VWA5A: variants seen among roughly 807,000 people sequenced by gnomAD.
VWA5A encodes the protein von Willebrand factor A domain-containing protein 5A.
In VWA5A, 77 loss-of-function variants were observed where a neutral mutation model predicts 84.6. The ratio of observed to expected loss-of-function variants is 0.91; its 90% CI spans 0.76 to 1.10. The LOEUF (loss-of-function observed/expected upper bound fraction) is 1.10, where lower values mean the gene tolerates loss of function less well. VWA5A is among the 50% of genes least tolerant of loss of function. The pLI, the probability that VWA5A is intolerant of heterozygous loss-of-function variation, is 0.00. For missense variants in VWA5A, 973 were observed against 963.0 expected (o/e 1.01, Z -0.14); for synonymous variants, 334 against 350.1 (o/e 0.95, Z 0.51).
At chr11:124,122,860 G>A in intron 7 of VWA5A, 100 bp from the exon 8 acceptor site, 1 of 1,261,760 alleles carries the variant, frequency 7.9e-7, no homozygotes, top group Non-Finnish European at 1.1e-6. Flanking sequence ...TTAGATTTGA[G>A]TTTTCCTAGC....
intron 2 of VWA5A, 48 bp from the exon 3 acceptor site, chr11:124,117,449 C>G (rs533790688): frequency 1.3e-6 from 2 of 1,555,778 alleles, no homozygotes; most frequent in Non-Finnish European, 1.8e-6. Flanking sequence ...GGTGTTTGAA[C>G]AGATAACTTC....
chr11:124,127,695 A>G (rs1285109576), intron 11 of VWA5A, among the ~76,000 whole-genome samples: 2 of 152,080 alleles, frequency 1.3e-5, no homozygotes, highest in Non-Finnish European at 2.9e-5. Flanking sequence ...CTGACTTTTT[A>G]ATGATCACCA....
rs1864866503 is a variant in VWA5A at position 124,118,178 on chromosome 11, G to A, written c.247-11G>A. On this transcript the variant is annotated splice_polypyrimidine_tract_variant and intron_variant, in intron 4 of 18. Transcript: ENST00000456829. ...CCCTTTCTTTCCCATCCCTCGCCCT[G>A]TGCTTCTCAGGCCCGCACCAACTAT... is the stretch of plus-strand genomic sequence containing the variant. The A allele has an allele frequency of 7.4e-6, 12 of 1,612,316 alleles. No homozygotes were observed. The highest frequency in any genetic ancestry group is 9.3e-6 in the Non-Finnish European group (11 of 1,179,212).
rs773787800 is a variant in VWA5A, at chr11:124,141,746, G to T, written c.2023+5G>T. On this transcript the variant is annotated splice_donor_5th_base_variant and intron_variant, in intron 16 of 18. Coordinates refer to ENST00000456829, the MANE Select transcript of VWA5A (RefSeq NM_001130142.2). ...ACAAGGACCAGCACAGTCCAGGTGA[G>T]TACCTTTATAGGAACATTTTCTCAA... 4.3e-5 allele frequency: 70 copies of T among 1,612,038 alleles called. No individual in the cohort carries two copies. The highest frequency in any genetic ancestry group is 5.7e-5 in the Non-Finnish European group (67 of 1,179,216).
rs755517894 is a variant in VWA5A, at chr11:124,117,606, C to G, written c.43+52C>G. 10 of 1,613,950 alleles carry G rather than the reference C, an allele frequency of 6.2e-6. No homozygotes were observed. In the Admixed American group the frequency reaches 1.2e-4, roughly 19 times the overall value. On this transcript the variant is annotated intron_variant, in intron 3 of 18. Transcript: ENST00000456829. ...GCCATTGAATCTTTGGCACCTATCA[C>G]AAGGCTTGATCTACAAGGAGGCAAT...
chr11:124,130,416 A>G (rs188753717), intron 11 of VWA5A, among the ~76,000 whole-genome samples: 2 of 152,114 alleles, frequency 1.3e-5, no homozygotes, highest in African/African-American at 2.4e-5. Context: ...TCAATTTTAG[A>G]GTAAGTGTGA....
chr11:124,119,063 A>T lies in VWA5A; in HGVS notation c.734A>T (p.Glu245Val). The change falls in exon 7 of 19, where the codon GAG becomes GTG. Residue 245 changes from glutamate (E) to valine (V), a missense_variant. Coordinates refer to ENST00000456829, the MANE Select transcript of VWA5A (RefSeq NM_001130142.2). ...GTGCATACCCCCAGCGTGGTTTTGG[A>T]GATGGGGATGCCTAACATGAAGCCA... The part of the protein sequence containing the change: ...NEVHTPSVVL[E>V]MGMPNMKPGH... 6.2e-7 allele frequency: 1 copy of T among 1,614,146 alleles called. No individual in the cohort carries two copies. Among genetic ancestry groups the T allele is most frequent in the Non-Finnish European group, 8.5e-7 (1 of 1,180,018 alleles).
intron 1 of VWA5A, chr11:124,115,774 T>G (rs1271903064): frequency 1.3e-5 from 2 of 152,314 alleles, no homozygotes; most frequent in Non-Finnish European, 2.9e-5. Flanking sequence ...TTTCCCGCTT[T>G]CTTTCTTTGA....
intron 11 of VWA5A, among the ~76,000 whole-genome samples, chr11:124,125,572 C>T (rs766371237): frequency 4.6e-5 from 7 of 152,164 alleles, no homozygotes; most frequent in African/African-American, 1.2e-4. Context: ...CGTGAGCCAC[C>T]GTGCCAGGCC....
Position 124,116,498 on chromosome 11 carries a change from C to G in VWA5A, c.-130-68C>G, listed in dbSNP as rs567259020. ...GAGAGCTTCTCTTTCAGCTGTTTTA[C>G]TCCTGTGTGAGTCTCCTGCTTTAGG... On this transcript the variant is annotated intron_variant, in intron 1 of 18. Coordinates refer to ENST00000456829, the MANE Select transcript of VWA5A (RefSeq NM_001130142.2). 5.3e-5 allele frequency: 8 copies of G among 152,326 alleles called. No homozygotes were observed. The East Asian group carries it at 1.5e-3, about 29-fold the overall frequency. The allele number at this position is 152,326 out of a possible 1,614,324, so 9.4% of individuals were successfully genotyped here.
chr11:124,145,076 G>T (rs1330633414), intron 17 of VWA5A, among the ~76,000 whole-genome samples, 161 bp from the exon 18 acceptor site: 3 of 152,182 alleles, frequency 2.0e-5, no homozygotes, highest in African/African-American at 7.2e-5. Flanking sequence ...GAGGTTTAAG[G>T]CCTGGCATTA....
chr11:124,125,231 A>T (rs1035329055), intron 11 of VWA5A, among the ~76,000 whole-genome samples: 8 of 151,060 alleles, frequency 5.3e-5, no homozygotes, highest in Middle Eastern at 3.4e-3. Flanking sequence ...CCAAAACATG[A>T]TATTGTTTGT....
intron 11 of VWA5A, among the ~76,000 whole-genome samples, chr11:124,133,394 C>T (rs1184137060): frequency 1.3e-5 from 2 of 152,212 alleles, no homozygotes; most frequent in African/African-American, 4.8e-5. Flanking sequence ...TTGTACTTGG[C>T]ACTTGCTTCA....
chr11:124,134,775 T>C (rs1341230390), intron 11 of VWA5A, 145 bp from the exon 12 acceptor site: 1 of 526,820 alleles, frequency 1.9e-6, no homozygotes, highest in Non-Finnish European at 3.3e-6. Flanking sequence ...TCCTAAAATA[T>C]AGAATATGCT....
intron 11 of VWA5A, among the ~76,000 whole-genome samples, chr11:124,131,814 T>C (rs771861871): frequency 1.3e-5 from 2 of 151,836 alleles, no homozygotes; most frequent in Non-Finnish European, 2.9e-5. Flanking sequence ...TTAAAAAATT[T>C]TCTTCCCTTC....
intron 11 of VWA5A, among the ~76,000 whole-genome samples, chr11:124,128,945 C>G (rs1220021603): frequency 6.6e-6 from 1 of 152,174 alleles, no homozygotes; most frequent in African/African-American, 2.4e-5. Context: ...ATTTGACTTC[C>G]TCTCTTCCTA....
chr11:124,118,481 G>T (rs1437051343), intron 5 of VWA5A, 52 bp from the exon 6 acceptor site: 2 of 1,611,536 alleles, frequency 1.2e-6, no homozygotes, highest in Admixed American at 1.7e-5. Flanking sequence ...AAGGTTGAGA[G>T]TGTCATAAAA....
chr11:124,123,451 T>C lies in VWA5A; in HGVS notation c.1016T>C (p.Phe339Ser), dbSNP rs1414943555. 1.2e-6 allele frequency: 2 copies of C among 1,613,922 alleles called. No homozygotes were observed. The highest frequency in any genetic ancestry group is 1.7e-6 in the Non-Finnish European group (2 of 1,179,940). The change falls in exon 9 of 19, where the codon TTT becomes TCT. Residue 339 changes from phenylalanine (F) to serine (S), a missense_variant. Physicochemically the swap from Phe to Ser is radical, Grantham distance 155 (BLOSUM62 -2). Transcript: ENST00000456829. ...TTTGGCTCTTCCTATGAGGCATGCT[T>C]TCCGTAAGTTTCTGGAAAGACAATA... ...YGFGSSYEACFPESVKYTQQT... is the reference protein window; with the variant it reads ...YGFGSSYEACSPESVKYTQQT...
At chr11:124,121,363 A>C (rs1278026929) in intron 7 of VWA5A, among the ~76,000 whole-genome samples, 1 of 152,162 alleles carries the variant, frequency 6.6e-6, no homozygotes, top group Non-Finnish European at 1.5e-5. Flanking sequence ...TATATTACTT[A>C]ACTCTTACAA....
Sources: gnomAD v4.1 joint callset for allele counts (sites outside exome capture counted in the v4.1 genomes callset) on GRCh38, gnomAD v4.1.1 for gene constraint, MANE v1.5 for transcripts, NCBI Gene and HGNC (gene_info 2026-07-23, HGNC 2026-07-21) for gene names.